AGRN: variants seen among roughly 807,000 people sequenced by gnomAD.
The protein encoded by AGRN is agrin proteoglycan.
AGRN carries 106 observed loss-of-function variants against 211.0 expected under a neutral mutation model. The observed-to-expected ratio is 0.50, with a 90% CI of 0.43 to 0.59. AGRN has a LOEUF of 0.59. Ranked by LOEUF, AGRN falls within the 20% of genes least tolerant of loss-of-function variation. The pLI, the probability that AGRN is intolerant of heterozygous loss-of-function variation, is 0.00. For missense variants in AGRN, 3,040 were observed against 2,982.6 expected, an observed-to-expected ratio of 1.02 and a Z score of -0.45; for synonymous variants, 1,525 against 1,332.5, an observed-to-expected ratio of 1.14 and a Z score of -3.15.
In AGRN at chr1:1,049,637, G is replaced by A. The variant is rs369873010; in HGVS notation, c.4586G>A (p.Arg1529His). ...CIRLLDVNNQRLELGIGPGAA... is the reference protein window; with the variant it reads ...CIRLLDVNNQHLELGIGPGAA... ...CGTTTGCTGGACGTCAACAACCAGC[G>A]CCTGGAGCTTGGCATTGGGCCGGGG... The change falls in exon 26 of 36, where the codon CGC becomes CAC. Residue 1529 changes from arginine to histidine, a missense_variant. Physicochemically the swap from Arg to His is conservative, Grantham distance 29. Transcript: ENST00000379370. 36 of 1,587,940 alleles carry A rather than the reference G, an allele frequency of 2.3e-5. No individual in the cohort carries two copies. Among genetic ancestry groups the A allele is most frequent in the East Asian group, 1.6e-4 (7 of 43,714 alleles).
At chr1:1,035,056 A>G (rs1385880785) in intron 2 of AGRN, 2 of 628,448 alleles carry the variant, frequency 3.2e-6, no homozygotes, top group East Asian at 2.8e-5. Flanking sequence ...GGGTCAGGCC[A>G]TGACTATTTG....
intron 3 of AGRN, among the ~76,000 whole-genome samples, chr1:1,035,861 G>A (rs1163047115): frequency 1.3e-5 from 2 of 152,000 alleles, no homozygotes; most frequent in African/African-American, 2.4e-5. Flanking sequence ...TGATGGAGGG[G>A]GCGGGCTGAC....
In AGRN at chr1:1,043,375, CACAT is replaced by C. The variant is rs1411142914; in HGVS notation, c.1524_1527del (p.Tyr509AlafsTer222). 14 of 1,609,730 alleles carry C rather than the reference CACAT, an allele frequency of 8.7e-6. No homozygotes were observed. Among genetic ancestry groups the C allele is most frequent in the Non-Finnish European group, 1.2e-5 (14 of 1,178,784 alleles). On this transcript the variant is annotated frameshift_variant, in exon 8 of 36. Transcript: ENST00000379370. LOFTEE classifies it high-confidence loss of function. ...ATCCTGTGTGCGGCAGCGACGGCGT[CACAT>C]ACGGCAGCGCGTGCGAGCTGGAGGC...
intron 33 of AGRN, chr1:1,053,413 C>T (rs967429627): frequency 2.4e-5 from 33 of 1,356,794 alleles, no homozygotes; most frequent in Non-Finnish European, 3.2e-5. Context: ...TTTGCATTGG[C>T]CCCGCCTGTC....
At position 1,049,692 on chromosome 1, in the gene AGRN, G is replaced by C; in HGVS notation, c.4641G>C (p.Glu1547Asp). ...GAATRGSGVGECGDHPCLPNP... is the reference protein window; with the variant it reads ...GAATRGSGVGDCGDHPCLPNP... Reference sequence around the variant, plus strand: ...CCACCCGAGGCTCTGGCGTGGGCGAGTGCGGGGACCACCCCTGCCTGCCCA... The same window carrying C: ...CCACCCGAGGCTCTGGCGTGGGCGACTGCGGGGACCACCCCTGCCTGCCCA... Residue 1547 changes from glutamate (E) to aspartate (D), a missense_variant, in exon 26 of 36, where the codon GAG becomes GAC. Physicochemically the swap from Glu to Asp is conservative, Grantham distance 45. Coordinates refer to ENST00000379370, the MANE Select transcript of AGRN (RefSeq NM_198576.4). 1 of 1,574,082 alleles carries C rather than the reference G, an allele frequency of 6.4e-7. No individual in the cohort carries two copies. The highest frequency in any genetic ancestry group is 1.9e-5 in the Admixed American group (1 of 52,994).
chr1:1,042,225 C>T, intron 7 of AGRN, 63 bp downstream of exon 7: 1 of 1,500,240 alleles, frequency 6.7e-7, no homozygotes. Flanking sequence ...CCTGCCTGGA[C>T]ATCACATGCC....
At position 1,043,658 on chromosome 1, in the gene AGRN, C is replaced by G. The variant is rs1645009481; in HGVS notation, c.1724C>G (p.Pro575Arg). The G allele has an allele frequency of 1.9e-6, 3 of 1,601,076 alleles. No individual in the cohort carries two copies. Among genetic ancestry groups the G allele is most frequent in the Non-Finnish European group, 2.5e-6 (3 of 1,179,656 alleles). Residue 575 changes from proline (P) to arginine (R), a missense_variant, in exon 9 of 36, where the codon CCC becomes CGC. Pro to Arg is a moderately radical substitution (Grantham distance 103, BLOSUM62 -2). This residue lies in a region of AGRN where 1,498 missense variants were observed against 1,457.8 expected (regional missense o/e 1.03). Coordinates refer to ENST00000379370, the MANE Select transcript of AGRN (RefSeq NM_198576.4). Reference sequence around the variant, plus strand: ...TGTGGCTCCGACGGGCACACGTACCCCAGCGAGTGCATGCTGCACGTGCAC... The same window carrying G: ...TGTGGCTCCGACGGGCACACGTACCGCAGCGAGTGCATGCTGCACGTGCAC... ...PVCGSDGHTY[P>R]SECMLHVHAC... is the part of the protein sequence containing the mutation.
chr1:1,033,283 C>T (rs904784694), intron 2 of AGRN, among the ~76,000 whole-genome samples: 2 of 152,062 alleles, frequency 1.3e-5, no homozygotes, highest in African/African-American at 2.4e-5. Flanking sequence ...ACTCCACCCT[C>T]CAGCTCGCGC....
At chr1:1,053,173 C>T (rs531746789) in intron 33 of AGRN, 3 of 305,540 alleles carry the variant, frequency 9.8e-6, no homozygotes, top group South Asian at 2.7e-5. Flanking sequence ...TGGCTGTGCT[C>T]CCCTGCTGTC....
chr1:1,034,251 G>T (rs1311236155), intron 2 of AGRN: 5 of 985,342 alleles, frequency 5.1e-6, no homozygotes, highest in Non-Finnish European at 6.0e-6. Context: ...CTGGCGGCCA[G>T]CCCGGGGAGG....
intron 2 of AGRN, among the ~76,000 whole-genome samples, chr1:1,029,287 A>T (rs1183581273): frequency 6.6e-6 from 1 of 151,200 alleles, no homozygotes; most frequent in African/African-American, 2.4e-5. Context: ...GGAGGTGAGG[A>T]GAACGTGCCT....
intron 2 of AGRN, among the ~76,000 whole-genome samples, chr1:1,025,222 C>T (rs1427161799): frequency 1.2e-4 from 18 of 151,994 alleles, no homozygotes; most frequent in Admixed American, 2.6e-4. Context: ...GTGAGTCTGG[C>T]GCCTTCCCAG....
intron 12 of AGRN, 143 bp from the exon 13 acceptor site, chr1:1,045,018 A>C: frequency 2.4e-6 from 2 of 830,290 alleles, no homozygotes; most frequent in Admixed American, 2.1e-5. Flanking sequence ...CTGTGTCCTC[A>C]GCCCCAGGCT....
At chr1:1,026,249 G>T (rs1200817369) in intron 2 of AGRN, among the ~76,000 whole-genome samples, 1 of 152,208 alleles carries the variant, frequency 6.6e-6, no homozygotes, top group African/African-American at 2.4e-5. Context: ...GGCCGCTCTG[G>T]TGGGGCCTCT....
intron 24 of AGRN, 44 bp from the exon 25 acceptor site, chr1:1,049,192 G>T: frequency 7.5e-7 from 1 of 1,337,646 alleles, no homozygotes; most frequent in Non-Finnish European, 1.0e-6. Flanking sequence ...GCGGGGTGGG[G>T]ACGGGGCCGG....
chr1:1,048,116 C>T lies in AGRN; in HGVS notation c.3856C>T (p.Pro1286Ser), dbSNP rs760218476. The change falls in exon 23 of 36, where the codon CCT becomes TCT. Residue 1286 changes from proline (P) to serine (S), a missense_variant. Transcript: ENST00000379370. The surrounding 1 kb of genome is among the most constrained non-coding windows in gnomAD (Gnocchi z 5.9). ...ASRLPSSAVT[P>S]RAPHPSHTSQ... Reference sequence around the variant, plus strand: ...GCGCCTGCCGTCCTCTGCTGTGACCCCTCGGGCCCCGCACCCCAGTCACAC... The same window carrying T: ...GCGCCTGCCGTCCTCTGCTGTGACCTCTCGGGCCCCGCACCCCAGTCACAC... 6 of 1,569,028 alleles carry T rather than the reference C, an allele frequency of 3.8e-6. No homozygotes were observed. The Admixed American group carries it at 7.1e-5, about 19-fold the overall frequency.
chr1:1,054,774 A>G, intron 35 of AGRN, 50 bp from the exon 36 acceptor site: 1 of 1,538,410 alleles, frequency 6.5e-7, no homozygotes, highest in South Asian at 1.2e-5. Context: ...TGGGGTGCCC[A>G]TCAGCATCAC....
At chr1:1,052,076 G>A in intron 33 of AGRN, 1 of 1,462,200 alleles carries the variant, frequency 6.8e-7, no homozygotes, top group Non-Finnish European at 9.2e-7. Context: ...CCTTCCTGGT[G>A]GGGAGCAGAG....
chr1:1,049,869 G>A, intron 26 of AGRN, 34 bp from the exon 27 acceptor site: 2 of 1,611,184 alleles, frequency 1.2e-6, no homozygotes, highest in East Asian at 2.2e-5. Context: ...CGCCTCCTGG[G>A]ACCTCGGTCC....
Sources: gnomAD v4.1 joint callset for allele counts (sites outside exome capture counted in the v4.1 genomes callset) on GRCh38, gnomAD v4.1.1 for gene constraint, gnomAD v4.1.1 regional missense constraint, Gnocchi (gnomAD v3.1) non-coding constraint, MANE v1.5 for transcripts, NCBI Gene and HGNC (gene_info 2026-07-23, HGNC 2026-07-21) for gene names.